Variants in USP7 observed in about 807,000 individuals in gnomAD.
The protein encoded by USP7 is ubiquitin specific peptidase 7.
Under a neutral mutation model 162.9 loss-of-function variants are expected in USP7, and 9 were observed. The ratio of observed to expected loss-of-function variants is 0.06; its 90% CI spans 0.03 to 0.10. The LOEUF (loss-of-function observed/expected upper bound fraction) is 0.10. Ranked by LOEUF, USP7 falls within the 10% of genes least tolerant of loss-of-function variation. USP7 has a pLI of 1.00. For missense variants in USP7, 715 were observed against 1,373.7 expected (o/e 0.52, Z 7.58); for synonymous variants, 562 against 475.9 (o/e 1.18, Z -2.35).
rs779042477 is a variant in USP7 at position 8,929,985 on chromosome 16, G to A, written c.184+308C>T. Among the ~76,000 whole-genome samples the A allele has an allele frequency of 1.2e-4, 18 of 152,320 alleles. 1 individual carries two copies. The highest frequency in any genetic ancestry group is 3.9e-4 in the Admixed American group (6 of 15,298). On this transcript the variant is annotated intron_variant, in intron 2 of 30. Coordinates refer to ENST00000344836, the MANE Select transcript of USP7 (RefSeq NM_003470.3). Reference sequence around the variant, plus strand: ...TGCAAACAAACAAGAAGGAGAGTAAGACATGCTTGTTGTTCCCAATACTAG... The same window carrying A: ...TGCAAACAAACAAGAAGGAGAGTAAAACATGCTTGTTGTTCCCAATACTAG...
At chr16:8,918,647 T>C (rs1289122686) in intron 6 of USP7, among the ~76,000 whole-genome samples, 1 of 152,044 alleles carries the variant, frequency 6.6e-6, no homozygotes, top group African/African-American at 2.4e-5. Context: ...CCGCCTCTAC[T>C]AAAATATAAA....
At chr16:8,909,740 A>G (rs1791228141) in intron 11 of USP7, among the ~76,000 whole-genome samples, 1 of 152,202 alleles carries the variant, frequency 6.6e-6, no homozygotes, top group Admixed American at 6.5e-5. Context: ...TGCCTGGCCA[A>G]TATGGTGAAA....
intron 4 of USP7, 73 bp from the exon 5 acceptor site, chr16:8,920,520 A>C: frequency 7.9e-7 from 1 of 1,265,306 alleles, no homozygotes; most frequent in South Asian, 1.3e-5. Context: ...AAATTACATT[A>C]GTGCCCTGTA....
chr16:8,894,278 C>A (rs899253), intron 30 of USP7, among the ~76,000 whole-genome samples, 174 bp from the exon 31 acceptor site: 47,570 of 152,048 alleles, frequency 0.31, 7,673 homozygotes, highest in Admixed American at 0.36. Flanking sequence ...ACCCTGACTG[C>A]GCCTCAGAGC....
At chr16:8,958,870 C>G (rs1034567529) in intron 1 of USP7, among the ~76,000 whole-genome samples, 1 of 152,334 alleles carries the variant, frequency 6.6e-6, no homozygotes, top group Admixed American at 6.5e-5. Context: ...ACATCAAGCC[C>G]AAGATTTCAA....
intron 1 of USP7, among the ~76,000 whole-genome samples, chr16:8,932,326 G>A (rs981848798): frequency 7.2e-5 from 11 of 152,184 alleles, no homozygotes; most frequent in Non-Finnish European, 1.5e-4. Context: ...AGCACTCTGG[G>A]AGGCAAAGAT....
At chr16:8,918,037 G>A (rs966177888) in intron 6 of USP7, among the ~76,000 whole-genome samples, 4 of 151,002 alleles carry the variant, frequency 2.6e-5, no homozygotes, top group Non-Finnish European at 4.4e-5. Context: ...TGATCCGCCC[G>A]CCTCGGCCTC....
At position 8,954,737 on chromosome 16, in the gene USP7, G is replaced by A. The variant is rs117757700; in HGVS notation, c.79+8470C>T. Among the ~76,000 whole-genome samples the A allele has an allele frequency of 5.0e-3, 766 of 152,250 alleles. 4 individuals carry two copies. The highest frequency in any genetic ancestry group is 7.8e-3 in the Non-Finnish European group (531 of 68,022). On this transcript the variant is annotated intron_variant, in intron 1 of 30. Transcript: ENST00000344836. ...CACACCTGTAATCCCAGCACTTTGG[G>A]GGTCTGAGGTGGGTGGATCAGGAGA...
chr16:8,906,801 G>A (rs1243154108), intron 12 of USP7, among the ~76,000 whole-genome samples: 1 of 152,116 alleles, frequency 6.6e-6, no homozygotes, highest in East Asian at 1.9e-4. Context: ...TAGGGTGGAG[G>A]AATTCCAAAT....
At position 8,893,343 on chromosome 16, in the gene USP7, C is replaced by G. The variant is rs942801540; in HGVS notation, c.*655G>C. 6.6e-6 allele frequency: 1 copy of G among 152,190 alleles called. No individual in the cohort carries two copies. Among genetic ancestry groups the G allele is most frequent in the Non-Finnish European group, 1.5e-5 (1 of 68,070 alleles). The allele number at this position is 152,190 out of a possible 1,614,324, so 9.4% of individuals were successfully genotyped here. A position where few individuals can be genotyped will look rare whatever the true frequency, so the allele number is the denominator to read the frequency against. On this transcript the variant is annotated 3_prime_UTR_variant, in exon 31 of 31. Coordinates refer to ENST00000344836, the MANE Select transcript of USP7 (RefSeq NM_003470.3). Reference sequence around the variant, plus strand: ...ATGTTCTTGATTTAATAAAAAGACCCCCACAATGTCTGTCCGGACTGTATT... The same window carrying G: ...ATGTTCTTGATTTAATAAAAAGACCGCCACAATGTCTGTCCGGACTGTATT...
chr16:8,894,191 T>G, intron 30 of USP7, 87 bp from the exon 31 acceptor site: 1 of 1,257,102 alleles, frequency 8.0e-7, no homozygotes, highest in Non-Finnish European at 1.2e-6. Flanking sequence ...CATGCATCCC[T>G]GTGGCTCCCC....
intron 1 of USP7, among the ~76,000 whole-genome samples, chr16:8,943,100 T>C (rs568088134): frequency 1.3e-5 from 2 of 152,296 alleles, no homozygotes; most frequent in East Asian, 3.9e-4. Context: ...ATTAGCTATA[T>C]GAAAACCAAG....
intron 2 of USP7, among the ~76,000 whole-genome samples, chr16:8,924,715 T>C (rs920927959): frequency 5.9e-5 from 9 of 152,250 alleles, no homozygotes; most frequent in Non-Finnish European, 1.0e-4. Context: ...TTGCTTGAAG[T>C]TTCTGACTGA....
chr16:8,944,007 C>G (rs915874652), intron 1 of USP7, among the ~76,000 whole-genome samples: 1 of 152,152 alleles, frequency 6.6e-6, no homozygotes, highest in East Asian at 1.9e-4. Flanking sequence ...TACAGGAGTT[C>G]AAGACCAGCC....
chr16:8,939,842 GT>G (rs1898952512), intron 1 of USP7, among the ~76,000 whole-genome samples: 1 of 152,226 alleles, frequency 6.6e-6, no homozygotes, highest in Non-Finnish European at 1.5e-5. Flanking sequence ...GCTCACGCCT[GT>G]AATCACAGCA....
In USP7 at chr16:8,943,997, T is replaced by G. The variant is rs182846466; in HGVS notation, c.80-13600A>C. Among the ~76,000 whole-genome samples, 5 of 152,240 alleles carry G rather than the reference T, an allele frequency of 3.3e-5. No individual in the cohort carries two copies. The South Asian group carries it at 6.2e-4, about 19-fold the overall frequency. On this transcript the variant is annotated intron_variant, in intron 1 of 30. Coordinates refer to ENST00000344836, the MANE Select transcript of USP7 (RefSeq NM_003470.3). ...ACTATAAGGTGCGGGGGAGGCAGTA[T>G]ACAGGAGTTCAAGACCAGCCTGGGC...
chr16:8,931,781 T>C (rs1210266180), intron 1 of USP7, among the ~76,000 whole-genome samples: 2 of 152,376 alleles, frequency 1.3e-5, no homozygotes, highest in Non-Finnish European at 1.5e-5. Context: ...GCAGGACTTT[T>C]AGGTTTTACC....
intron 2 of USP7, among the ~76,000 whole-genome samples, chr16:8,926,564 T>C (rs1898010790): frequency 6.6e-6 from 1 of 152,222 alleles, no homozygotes; most frequent in African/African-American, 2.4e-5. Flanking sequence ...CCAGCCAGAT[T>C]GTCCTCCTAC....
intron 18 of USP7, among the ~76,000 whole-genome samples, 153 bp from the exon 19 acceptor site, chr16:8,901,387 G>T (rs2061772237): frequency 6.6e-6 from 1 of 151,628 alleles, no homozygotes; most frequent in African/African-American, 2.4e-5. Flanking sequence ...GTACCTAAAA[G>T]TTACTTCAGA....
Sources: gnomAD v4.1 joint callset for allele counts (sites outside exome capture counted in the v4.1 genomes callset) on GRCh38, gnomAD v4.1.1 for gene constraint, MANE v1.5 for transcripts, NCBI Gene and HGNC (gene_info 2026-07-23, HGNC 2026-07-21) for gene names.